FAM120B: variants seen among roughly 807,000 people sequenced by gnomAD.
The protein encoded by FAM120B is constitutive coactivator of peroxisome proliferator-activated receptor gamma.
In FAM120B, 83 loss-of-function variants were observed where a neutral mutation model predicts 96.3. The ratio of observed to expected loss-of-function variants is 0.86; its 90% CI spans 0.72 to 1.03. FAM120B has a LOEUF of 1.03. Ranked by LOEUF, FAM120B falls within the 50% of genes least tolerant of loss-of-function variation. FAM120B has a pLI of 0.00. For synonymous variants in FAM120B, 407 were observed against 402.7 expected, an observed-to-expected ratio of 1.01 and a Z score of -0.13; for missense variants, 1,027 against 1,121.2, an observed-to-expected ratio of 0.92 and a Z score of 1.20.
At chr6:170,391,800 A>G (rs1222702546) in intron 8 of FAM120B, among the ~76,000 whole-genome samples, 1 of 152,250 alleles carries the variant, frequency 6.6e-6, no homozygotes, top group African/African-American at 2.4e-5. Flanking sequence ...GGAAATATAC[A>G]TGGCCTTTAA....
chr6:170,388,832 C>A (rs373752857), intron 7 of FAM120B, among the ~76,000 whole-genome samples: 144 of 152,184 alleles, frequency 9.5e-4, no homozygotes, highest in Non-Finnish European at 1.7e-3. Context: ...TAATTTTTGA[C>A]TCCCCCAAAA....
intron 6 of FAM120B, among the ~76,000 whole-genome samples, chr6:170,382,810 T>C (rs1789988870): frequency 6.6e-6 from 1 of 152,092 alleles, no homozygotes; most frequent in Non-Finnish European, 1.5e-5. Context: ...AAAATTTGTA[T>C]GGAAGGGCAG....
intron 1 of FAM120B, among the ~76,000 whole-genome samples, chr6:170,309,972 T>C (rs1193644480): frequency 6.6e-6 from 1 of 152,264 alleles, no homozygotes; most frequent in African/African-American, 2.4e-5. Flanking sequence ...TTGAGGCATA[T>C]ACAGCTATTT....
At chr6:170,345,574 A>G (rs1250290116) in intron 4 of FAM120B, among the ~76,000 whole-genome samples, 4 of 152,274 alleles carry the variant, frequency 2.6e-5, no homozygotes, top group Non-Finnish European at 4.4e-5. Flanking sequence ...CAGAGCACCT[A>G]GAATTGTATG....
chr6:170,299,179 G>A (rs893478526), intron 1 of FAM120B, among the ~76,000 whole-genome samples: 14 of 152,280 alleles, frequency 9.2e-5, no homozygotes, highest in African/African-American at 3.4e-4. Context: ...TTCTTTGTGG[G>A]AAGGTTTTTT....
At chr6:170,329,937 G>A (rs966558691) in intron 3 of FAM120B, among the ~76,000 whole-genome samples, 1 of 152,110 alleles carries the variant, frequency 6.6e-6, no homozygotes, top group Admixed American at 6.6e-5. Flanking sequence ...GATCACCTTT[G>A]TGCTGGGATA....
rs184212568 is a variant in FAM120B, at chr6:170,295,395, C to G, written c.-11C>G. 642 of 701,126 alleles carry G rather than the reference C, an allele frequency of 9.2e-4. 3 individuals carry two copies. The African/African-American group carries it at 9.8e-3, about 11-fold the overall frequency. The allele number at this position is 701,126 out of a possible 1,614,324, so 43.4% of individuals were successfully genotyped here. On this transcript the variant is annotated 5_prime_UTR_variant, in exon 1 of 11. Coordinates refer to the FAM120B transcript ENST00000537664. The surrounding 1 kb of genome is among the most constrained non-coding windows in gnomAD (Gnocchi z 7.8). ...ACAGCCTGGAAAAGGGAGGGGGCAT[C>G]GATCTGGTTTATGTTTGGACCTCGA...
At chr6:170,392,789 CG>C (rs1422355424) in intron 8 of FAM120B, among the ~76,000 whole-genome samples, 1 of 152,164 alleles carries the variant, frequency 6.6e-6, no homozygotes, top group Non-Finnish European at 1.5e-5. Flanking sequence ...AGGTGTCGTG[CG>C]TAGCACCCCA....
intron 4 of FAM120B, among the ~76,000 whole-genome samples, chr6:170,339,251 A>G (rs1309746104): frequency 6.6e-6 from 1 of 152,048 alleles, no homozygotes; most frequent in Non-Finnish European, 1.5e-5. Flanking sequence ...AAAGGATTTT[A>G]TTTCTCCTTT....
chr6:170,319,224 G>C, intron 2 of FAM120B, 100 bp downstream of exon 2: 1 of 1,187,882 alleles, frequency 8.4e-7, no homozygotes, highest in South Asian at 1.5e-5. Flanking sequence ...TGGCCACTGA[G>C]AGGATGCACA....
In FAM120B at chr6:170,391,182, G is replaced by C. The variant is rs1439745381; in HGVS notation, c.2599+61G>C. On this transcript the variant is annotated intron_variant, in intron 8 of 10. Coordinates refer to ENST00000476287, the MANE Select transcript of FAM120B (RefSeq NM_032448.3). ...AGCGTAGACCCTAACTGCTTCCTGA[G>C]TTTTGTTGATAAATGAATTCTAAGA... 21 of 1,107,636 alleles carry C rather than the reference G, an allele frequency of 1.9e-5. No homozygotes were observed. The Admixed American group carries it at 3.9e-4, about 21-fold the overall frequency. The allele number at this position is 1,107,636 out of a possible 1,614,324, so 68.6% of individuals were successfully genotyped here. A position where few individuals can be genotyped will look rare whatever the true frequency, so the allele number is the denominator to read the frequency against.
chr6:170,362,341 C>T (rs1288751520), intron 6 of FAM120B, among the ~76,000 whole-genome samples: 1 of 152,158 alleles, frequency 6.6e-6, no homozygotes. Context: ...CAGCTGGTGC[C>T]CTTGTGGGCC....
chr6:170,331,868 A>G (rs1177437529), intron 4 of FAM120B, among the ~76,000 whole-genome samples: 11 of 152,260 alleles, frequency 7.2e-5, no homozygotes, highest in Admixed American at 7.2e-4. Context: ...CTTGGACCAC[A>G]CATTGGGTTC....
At chr6:170,312,034 C>T (rs9295394) in intron 1 of FAM120B, among the ~76,000 whole-genome samples, 16,044 of 152,252 alleles carry the variant, frequency 0.11, 1,050 homozygotes, top group East Asian at 0.2. Context: ...AAAGAACTTA[C>T]GTCCACGTTG....
rs78954465 is a variant in FAM120B at position 170,346,827 on chromosome 6, G to A, written c.2018-1324G>A. ...GAGACTGCACACGTTGCCTGAGTTG[G>A]TTATTTTCCTGAAAGTATGTTTCTA... is the stretch of plus-strand genomic sequence containing the variant. On this transcript the variant is annotated intron_variant, in intron 4 of 10. Transcript: ENST00000476287. 0.01 allele frequency among the ~76,000 whole-genome samples: 1,568 copies of A among 152,140 alleles called. 67 individuals carry two copies. The East Asian group carries it at 0.1, about 10-fold the overall frequency.
At chr6:170,351,402 A>T (rs1787570680) in intron 5 of FAM120B, among the ~76,000 whole-genome samples, 1 of 152,226 alleles carries the variant, frequency 6.6e-6, no homozygotes, top group African/African-American at 2.4e-5. Flanking sequence ...AACTTCCTCA[A>T]CCTAGCAAGA....
chr6:170,295,543 G>A lies in FAM120B; in HGVS notation c.48+90G>A. The A allele has an allele frequency of 3.1e-5, 19 of 610,260 alleles. No homozygotes were observed. Among genetic ancestry groups the A allele is most frequent in the Middle Eastern group, 6.9e-4 (2 of 2,914 alleles). The allele number at this position is 610,260 out of a possible 1,614,324, so 37.8% of individuals were successfully genotyped here. A position where few individuals can be genotyped will look rare whatever the true frequency, so the allele number is the denominator to read the frequency against. On this transcript the variant is annotated intron_variant, in intron 1 of 10. Transcript: ENST00000537664. This position sits in a 1 kb window ranked among gnomAD's most constrained non-coding sequence, Gnocchi z 7.8. ...AGGAGCGCGACCCCCGGCGCGGGCA[G>A]CTCTGCGCGAAGGTGGGCGACGGTG...
At chr6:170,350,067 G>T (rs1046598439) in intron 5 of FAM120B, among the ~76,000 whole-genome samples, 3 of 152,176 alleles carry the variant, frequency 2.0e-5, no homozygotes, top group Non-Finnish European at 2.9e-5. Flanking sequence ...ACACAGAGCT[G>T]TTTGGAGTCT....
intron 8 of FAM120B, among the ~76,000 whole-genome samples, chr6:170,393,048 A>C (rs1328133157): frequency 2.6e-5 from 4 of 151,572 alleles, no homozygotes; most frequent in African/African-American, 4.9e-5. Flanking sequence ...GGCTGGGCAC[A>C]CACCTGTAAT....
Sources: gnomAD v4.1 joint callset for allele counts (sites outside exome capture counted in the v4.1 genomes callset) on GRCh38, gnomAD v4.1.1 for gene constraint, Gnocchi (gnomAD v3.1) non-coding constraint, MANE v1.5 for transcripts, NCBI Gene and HGNC (gene_info 2026-07-23, HGNC 2026-07-21) for gene names.